Variants in ILRUN observed in about 807,000 individuals in gnomAD.
ILRUN encodes the protein protein ILRUN.
Under a neutral mutation model 33.8 loss-of-function variants are expected in ILRUN, and 3 were observed. The observed-to-expected ratio is 0.09, with a 90% CI of 0.04 to 0.23. The LOEUF (loss-of-function observed/expected upper bound fraction) is 0.23. Among genes scored for constraint, ILRUN ranks in the 10% least tolerant of loss-of-function variants. The pLI is 1.00. For synonymous variants in ILRUN, 124 were observed against 138.9 expected, an observed-to-expected ratio of 0.89 and a Z score of 0.75; for missense variants, 210 against 375.1, an observed-to-expected ratio of 0.56 and a Z score of 3.64.
chr6:34,641,041 T>C (rs1429116930), intron 3 of ILRUN, among the ~76,000 whole-genome samples: 1 of 137,746 alleles, frequency 7.3e-6, no homozygotes, highest in African/African-American at 2.8e-5. Context: ...ATGACGCCAC[T>C]GCACTCCAGC....
At chr6:34,682,041 C>CTTTTTTTTTTTTTTTTTTTTTTT (rs552894159) in intron 1 of ILRUN, among the ~76,000 whole-genome samples, 1 of 90,570 alleles carries the variant, frequency 1.1e-5, no homozygotes, top group African/African-American at 4.2e-5. Flanking sequence ...TATTTTTTTA[C>CTTTTTTTTTTTTTTTTTTTTTTT]TTTTTTTTTT....
intron 1 of ILRUN, chr6:34,685,502 G>C (rs971817229): frequency 6.6e-6 from 1 of 152,076 alleles, no homozygotes; most frequent in African/African-American, 2.4e-5. Flanking sequence ...GCTCCCGGGA[G>C]ATCACCATAC....
chr6:34,595,476 T>C (rs566037548), intron 4 of ILRUN, among the ~76,000 whole-genome samples: 1 of 152,348 alleles, frequency 6.6e-6, no homozygotes, highest in Non-Finnish European at 1.5e-5. Flanking sequence ...CGACAGAAGC[T>C]GTTCCTGATA....
At chr6:34,674,131 A>T (rs569177866) in intron 1 of ILRUN, among the ~76,000 whole-genome samples, 1 of 152,238 alleles carries the variant, frequency 6.6e-6, no homozygotes, top group African/African-American at 2.4e-5. Flanking sequence ...GGTTCAAGCA[A>T]TTCTCCTGCC....
At chr6:34,590,768 C>T (rs991213097) in intron 4 of ILRUN, among the ~76,000 whole-genome samples, 168 bp from the exon 5 acceptor site, 1 of 152,196 alleles carries the variant, frequency 6.6e-6, no homozygotes, top group African/African-American at 2.4e-5. Context: ...AAGATCAGTA[C>T]ATTTCAAGTT....
chr6:34,652,944 C>T (rs960887672), intron 2 of ILRUN, among the ~76,000 whole-genome samples: 1 of 151,444 alleles, frequency 6.6e-6, no homozygotes, highest in South Asian at 2.1e-4. Context: ...TCGTGTGAGC[C>T]CAGCCCGAGC....
In ILRUN at chr6:34,647,710, G is replaced by A. The variant is rs577956729; in HGVS notation, c.314-912C>T. ...CTCCTGAGTAGCTAGGATTACAGGC[G>A]CCCATTACCACGCCTGGCTAATTAT... On this transcript the variant is annotated intron_variant, in intron 2 of 4. Coordinates refer to ENST00000374023, the MANE Select transcript of ILRUN (RefSeq NM_024294.4). Among the ~76,000 whole-genome samples, 77 of 152,090 alleles carry A rather than the reference G, an allele frequency of 5.1e-4. 1 individual carries two copies. The highest frequency in any genetic ancestry group is 1.4e-3 in the African/African-American group (59 of 41,406).
intron 2 of ILRUN, among the ~76,000 whole-genome samples, chr6:34,653,146 A>AG (rs1554186877): frequency 3.6e-5 from 5 of 138,646 alleles, no homozygotes; most frequent in East Asian, 3.9e-4. Context: ...AAAAAAAAAA[A>AG]AAAAAGAAAA....
chr6:34,616,087 G>A (rs967323932), intron 3 of ILRUN, among the ~76,000 whole-genome samples: 11 of 152,118 alleles, frequency 7.2e-5, no homozygotes, highest in African/African-American at 2.2e-4. Context: ...AAAATCTAAC[G>A]TACATGGACA....
intron 3 of ILRUN, among the ~76,000 whole-genome samples, chr6:34,630,645 G>A (rs1762227440): frequency 6.6e-6 from 1 of 152,196 alleles, no homozygotes; most frequent in Non-Finnish European, 1.5e-5. Context: ...GCCTCCCAAA[G>A]TGCTGGGATT....
chr6:34,686,135 G>A (rs1352054708), intron 1 of ILRUN, among the ~76,000 whole-genome samples: 1 of 152,120 alleles, frequency 6.6e-6, no homozygotes, highest in Non-Finnish European at 1.5e-5. Flanking sequence ...AAAGTGAAAA[G>A]ACAGCCTACA....
intron 1 of ILRUN, among the ~76,000 whole-genome samples, chr6:34,656,107 G>A (rs1198108670): frequency 6.6e-6 from 1 of 151,770 alleles, no homozygotes; most frequent in Non-Finnish European, 1.5e-5. Flanking sequence ...ACGGTGGCGG[G>A]CACCTGTAAT....
intron 4 of ILRUN, chr6:34,595,648 C>T: frequency 1.9e-6 from 1 of 539,842 alleles, no homozygotes; most frequent in African/African-American, 2.1e-5. Context: ...GAGATTTTTG[C>T]ATTACTCTTT....
chr6:34,609,579 A>C (rs1193960702), intron 3 of ILRUN, among the ~76,000 whole-genome samples: 3 of 152,090 alleles, frequency 2.0e-5, no homozygotes, highest in African/African-American at 4.8e-5. Flanking sequence ...GGTTGTATCC[A>C]AACAGCCAGC....
intron 1 of ILRUN, among the ~76,000 whole-genome samples, chr6:34,674,585 T>C (rs1301603338): frequency 6.6e-6 from 1 of 152,040 alleles, no homozygotes; most frequent in Non-Finnish European, 1.5e-5. Context: ...GTTGAAAGAA[T>C]TGAAACAGAT....
At chr6:34,695,766 G>A (rs1015671669) in intron 1 of ILRUN, among the ~76,000 whole-genome samples, 4 of 150,004 alleles carry the variant, frequency 2.7e-5, no homozygotes, top group African/African-American at 9.9e-5. Flanking sequence ...CTAACACTCC[G>A]GGTCCTCCAT....
chr6:34,645,693 A>G (rs1369574703), intron 3 of ILRUN, among the ~76,000 whole-genome samples: 1 of 152,098 alleles, frequency 6.6e-6, no homozygotes, highest in East Asian at 1.9e-4. Context: ...TGTCTGGGAG[A>G]TGTTAAAAGT....
chr6:34,594,447 G>C lies in ILRUN; in HGVS notation c.862-3847C>G, dbSNP rs184207150. Among the ~76,000 whole-genome samples the C allele has an allele frequency of 7.0e-3, 1,065 of 152,274 alleles. 5 individuals carry two copies. The highest frequency in any genetic ancestry group is 0.011 in the Non-Finnish European group (718 of 68,020). ...TACTCAAACCCAGAAAAAAACTCTGGTATCTGACTCCAGGTCTAAAGGCCA... is the reference window on the plus strand; with the variant it reads ...TACTCAAACCCAGAAAAAAACTCTGCTATCTGACTCCAGGTCTAAAGGCCA... On this transcript the variant is annotated intron_variant, in intron 4 of 4. Coordinates refer to ENST00000374023, the MANE Select transcript of ILRUN (RefSeq NM_024294.4).
chr6:34,690,851 G>A (rs41438444), intron 1 of ILRUN, among the ~76,000 whole-genome samples: 9,435 of 152,182 alleles, frequency 0.062, 505 homozygotes, highest in East Asian at 0.32. Flanking sequence ...ATCTCTGCCC[G>A]TAGGGATACA....
Sources: gnomAD v4.1 joint callset for allele counts (sites outside exome capture counted in the v4.1 genomes callset) on GRCh38, gnomAD v4.1.1 for gene constraint, MANE v1.5 for transcripts, NCBI Gene and HGNC (gene_info 2026-07-23, HGNC 2026-07-21) for gene names.